ANKS6: variants seen among roughly 807,000 people sequenced by gnomAD.
The protein encoded by ANKS6 is ankyrin repeat and sterile alpha motif domain containing 6, also known as ankyrin repeat and SAM domain-containing protein 6.
Under a neutral mutation model 77.9 loss-of-function variants are expected in ANKS6, and 47 were observed. The ratio of observed to expected loss-of-function variants is 0.60; its 90% CI spans 0.48 to 0.77. ANKS6 has a LOEUF of 0.77. Among genes scored for constraint, ANKS6 ranks in the 30% least tolerant of loss-of-function variants. The pLI is 0.00. For missense variants in ANKS6, 1,150 were observed against 1,159.1 expected (o/e 0.99, Z 0.11); for synonymous variants, 488 against 501.7 (o/e 0.97, Z 0.37).
rs1373961238 is a variant in ANKS6 at position 98,790,114 on chromosome 9, C to T, written c.852G>A (p.Arg284=). 10 of 1,561,430 alleles carry T rather than the reference C, an allele frequency of 6.4e-6. No individual in the cohort carries two copies. In the African/African-American group the frequency reaches 1.3e-4, roughly 21 times the overall value. The change falls in exon 2 of 15, where the codon AGG becomes AGA. Residue 284 remains arginine, a synonymous_variant. Coordinates refer to ENST00000353234, the MANE Select transcript of ANKS6 (RefSeq NM_173551.5). ...VDYLDPLTTV[R]PKTDEEKRRP... The stretch of plus-strand genomic sequence containing the variant: ...GGCATGCAGCCTGACCTGTTTTGGG[C>T]CTGACGGTGGTCAGCGGGTCCAGGT...
At chr9:98,747,041 G>GA (rs149809475) in intron 13 of ANKS6, among the ~76,000 whole-genome samples, 2,542 of 152,264 alleles carry the variant, frequency 0.017, 78 homozygotes, top group African/African-American at 0.058. Flanking sequence ...TTTCCCCACT[G>GA]AAAAATCACA....
In ANKS6 at chr9:98,773,862, C is replaced by T; in HGVS notation, c.1821+15G>A. On this transcript the variant is annotated intron_variant, in intron 9 of 14. Transcript: ENST00000353234. ...CAGTGAGTGATGTGTAAAAGTGTGT[C>T]AGAAGACAACTTACAGTGTCTGTGC... The T allele has an allele frequency of 4.0e-6, 6 of 1,512,284 alleles. No homozygotes were observed. The highest frequency in any genetic ancestry group is 5.3e-6 in the Non-Finnish European group (6 of 1,134,328). The allele number at this position is 1,512,284 out of a possible 1,614,324, so 93.7% of individuals were successfully genotyped here. A position where few individuals can be genotyped will look rare whatever the true frequency, so the allele number is the denominator to read the frequency against.
chr9:98,744,851 G>A (rs1038470083), intron 14 of ANKS6, among the ~76,000 whole-genome samples: 3 of 151,298 alleles, frequency 2.0e-5, no homozygotes, highest in East Asian at 1.9e-4. Context: ...CAGGTACTGC[G>A]CATTGTTGCT....
chr9:98,751,235 TGGAC>T, intron 12 of ANKS6, 139 bp from the exon 13 acceptor site: 2 of 721,352 alleles, frequency 2.8e-6, no homozygotes, highest in Non-Finnish European at 4.5e-6. Flanking sequence ...TGATCTCAGC[TGGAC>T]TCCTGCAGAT....
chr9:98,744,716 A>G (rs968345527), intron 14 of ANKS6, among the ~76,000 whole-genome samples: 1 of 152,202 alleles, frequency 6.6e-6, no homozygotes, highest in African/African-American at 2.4e-5. Flanking sequence ...AAAAAAAGAA[A>G]AAAAAGAGGA....
intron 13 of ANKS6, among the ~76,000 whole-genome samples, chr9:98,746,633 G>C: frequency 6.6e-6 from 1 of 150,468 alleles, no homozygotes. Flanking sequence ...GTAAGTGGCA[G>C]GGCCTGGCTT....
Position 98,764,420 on chromosome 9 carries a change from C to A in ANKS6, c.2142+3661G>T, listed in dbSNP as rs1440971590. 8.5e-5 allele frequency among the ~76,000 whole-genome samples: 13 copies of A among 152,156 alleles called. 1 individual carries two copies. Among genetic ancestry groups the A allele is most frequent in the Admixed American group, 8.5e-4 (13 of 15,280 alleles). ...TTGAGAAAATTCTCAACCATTATTT[C>A]TTTTCATTTTTTAAGCATTATTTCT... On this transcript the variant is annotated intron_variant, in intron 11 of 14. Coordinates refer to ENST00000353234, the MANE Select transcript of ANKS6 (RefSeq NM_173551.5).
Position 98,751,080 on chromosome 9 carries a change from G to A in ANKS6, c.2343C>T (p.Ile781=), listed in dbSNP as rs146161090. The change falls in exon 13 of 15, where the codon ATC becomes ATT. Residue 781 remains isoleucine (I), a synonymous_variant. Transcript: ENST00000353234. ...ATTTCTCAAGTGATAATTTCTTAAGGATTCCAGTCAGTTCATCTTCAAGAT... is the reference window on the plus strand; with the variant it reads ...ATTTCTCAAGTGATAATTTCTTAAGAATTCCAGTCAGTTCATCTTCAAGAT... ...TITDEDELTG[I]LKKLSLEKYQ... is the part of the protein sequence containing the mutation. The A allele has an allele frequency of 8.8e-5, 142 of 1,608,728 alleles. No individual in the cohort carries two copies. In the African/African-American group the frequency reaches 1.6e-3, roughly 18 times the overall value.
chr9:98,752,697 C>A (rs1832496809), intron 12 of ANKS6, among the ~76,000 whole-genome samples: 1 of 152,210 alleles, frequency 6.6e-6, no homozygotes, highest in African/African-American at 2.4e-5. Flanking sequence ...CTTGATACCA[C>A]ATCTTGGGTG....
At chr9:98,786,299 T>G (rs1257576461) in intron 2 of ANKS6, among the ~76,000 whole-genome samples, 1 of 149,104 alleles carries the variant, frequency 6.7e-6, no homozygotes, top group Admixed American at 6.7e-5. Flanking sequence ...AATTGTTTTT[T>G]TTTTTTTTTT....
In ANKS6 at chr9:98,782,571, T is replaced by C. The variant is rs201297615; in HGVS notation, c.1115A>G (p.Asn372Ser). Reference sequence around the variant, plus strand: ...TAGCAGATATTTCACAATTTCCTTATTCCTGGGAAAAAATGCTAGAGTTAC... The same window carrying C: ...TAGCAGATATTTCACAATTTCCTTACTCCTGGGAAAAAATGCTAGAGTTAC... Reference protein sequence around the residue: ...TALMQATYHGNKEIVKYLLNQ... With the variant: ...TALMQATYHGSKEIVKYLLNQ... The change falls in exon 5 of 15, where the codon AAT (asparagine) becomes AGT (serine). Residue 372 changes from asparagine (N) to serine (S), a missense_variant and splice_region_variant. Transcript: ENST00000353234. 4.0e-5 allele frequency: 64 copies of C among 1,613,202 alleles called. No individual in the cohort carries two copies. The highest frequency in any genetic ancestry group is 5.1e-5 in the Non-Finnish European group (60 of 1,179,450).
Position 98,790,305 on chromosome 9 carries a change from C to T in ANKS6, c.661G>A (p.Ala221Thr). 1 of 1,607,078 alleles carries T rather than the reference C, an allele frequency of 6.2e-7. No individual in the cohort carries two copies. Among genetic ancestry groups the T allele is most frequent in the Non-Finnish European group, 8.5e-7 (1 of 1,175,836 alleles). ...MEWGADPNHA[A>T]RTVGWSPLML... The stretch of plus-strand genomic sequence containing the variant: ...AGCGGGCTCCAGCCCACGGTCCGGG[C>T]TGCGTGGTTGGGGTCCGCGCCCCAC... The change falls in exon 2 of 15, where the codon GCC becomes ACC. Residue 221 changes from alanine to threonine, a missense_variant. Ala to Thr is a moderately conservative substitution (Grantham distance 58). Transcript: ENST00000353234.
chr9:98,753,183 C>T lies in ANKS6; in HGVS notation c.2327-2087G>A, dbSNP rs988113977. 1.2e-4 allele frequency among the ~76,000 whole-genome samples: 19 copies of T among 152,062 alleles called. 1 individual carries two copies. Among genetic ancestry groups the T allele is most frequent in the Admixed American group, 1.3e-4 (2 of 15,270 alleles). On this transcript the variant is annotated intron_variant, in intron 12 of 14. Coordinates refer to ENST00000353234, the MANE Select transcript of ANKS6 (RefSeq NM_173551.5). ...TTCTTTCTTATAAATTCCATATAGC[C>T]AATTGATTCTCACCAAATGCTTTCA...
At chr9:98,784,976 A>T in intron 2 of ANKS6, 100 bp from the exon 3 acceptor site, 2 of 1,091,570 alleles carry the variant, frequency 1.8e-6, no homozygotes, top group Non-Finnish European at 2.7e-6. Context: ...AAAAGCATCT[A>T]ATTCTCAAAA....
intron 1 of ANKS6, among the ~76,000 whole-genome samples, chr9:98,792,356 C>G (rs1028086913): frequency 1.3e-5 from 2 of 152,206 alleles, no homozygotes; most frequent in African/African-American, 4.8e-5. Flanking sequence ...CGTGAGCCCT[C>G]TTTCCCTAAT....
intron 7 of ANKS6, 143 bp downstream of exon 7, chr9:98,778,083 T>C (rs1588394512): frequency 9.9e-7 from 1 of 1,013,480 alleles, no homozygotes; most frequent in East Asian, 2.6e-5. Context: ...AAGTATCTTT[T>C]CCACCAGACC....
At chr9:98,744,786 T>C (rs1832028319) in intron 14 of ANKS6, among the ~76,000 whole-genome samples, 1 of 152,034 alleles carries the variant, frequency 6.6e-6, no homozygotes, top group South Asian at 2.1e-4. Flanking sequence ...GGCATGAGAC[T>C]ACTGTTCAAC....
intron 13 of ANKS6, among the ~76,000 whole-genome samples, chr9:98,747,182 A>G (rs1054251141): frequency 6.6e-6 from 1 of 152,266 alleles, no homozygotes; most frequent in Non-Finnish European, 1.5e-5. Flanking sequence ...CATTTAAAAT[A>G]AAACTTGCAT....
intron 8 of ANKS6, 132 bp from the exon 9 acceptor site, chr9:98,774,212 G>A (rs1833796514): frequency 1.3e-6 from 1 of 761,112 alleles, no homozygotes; most frequent in Non-Finnish European, 1.9e-6. Flanking sequence ...CGGGAGCTAT[G>A]TGGCATCTAC....
Sources: allele counts gnomAD v4.1 joint callset (sites outside exome capture counted in the v4.1 genomes callset), GRCh38; gene constraint gnomAD v4.1.1; transcripts MANE v1.5; gene names NCBI Gene and HGNC (gene_info 2026-07-23, HGNC 2026-07-21).